Variants in ADGRL3 observed in about 807,000 individuals in gnomAD.
ADGRL3 encodes adhesion G protein-coupled receptor L3.
A neutral mutation model predicts 153.5 loss-of-function variants in ADGRL3; 62 were observed. The ratio of observed to expected loss-of-function variants is 0.40; its 90% confidence interval spans 0.33 to 0.50. ADGRL3 has a LOEUF of 0.50. Ranked by LOEUF, ADGRL3 falls within the 20% of genes least tolerant of loss-of-function variation. The pLI is 0.47. For missense variants in ADGRL3, 1,641 were observed against 1,859.4 expected, an observed-to-expected ratio of 0.88 and a Z score of 2.16; for synonymous variants, 710 against 672.5, an observed-to-expected ratio of 1.06 and a Z score of -0.86.
chr4:61,455,259 G>A (rs1453057514), intron 2 of ADGRL3, among the ~76,000 whole-genome samples: 1 of 152,138 alleles, frequency 6.6e-6, no homozygotes, highest in Non-Finnish European at 1.5e-5. Flanking sequence ...ACAAATCAGT[G>A]GGAATAGCAT....
chr4:61,356,992 T>C (rs2096185526), intron 1 of ADGRL3, among the ~76,000 whole-genome samples: 1 of 152,116 alleles, frequency 6.6e-6, no homozygotes, highest in Non-Finnish European at 1.5e-5. Context: ...ATTTTTTTTT[T>C]CAGTAAAATA....
chr4:61,359,425 T>G (rs1239881592), intron 1 of ADGRL3, among the ~76,000 whole-genome samples: 1 of 152,174 alleles, frequency 6.6e-6, no homozygotes, highest in Non-Finnish European at 1.5e-5. Context: ...TTGTTGGCTG[T>G]CTGATCCCTC....
chr4:61,703,041 C>G (rs572555509), intron 6 of ADGRL3, among the ~76,000 whole-genome samples: 10 of 152,128 alleles, frequency 6.6e-5, no homozygotes. Flanking sequence ...TACATTTCCC[C>G]CATTTTGACA....
At chr4:61,515,170 C>T (rs951860387) in intron 3 of ADGRL3, among the ~76,000 whole-genome samples, 1 of 152,072 alleles carries the variant, frequency 6.6e-6, no homozygotes, top group Non-Finnish European at 1.5e-5. Context: ...GACTATTCTT[C>T]ACCTTGACCC....
intron 8 of ADGRL3, among the ~76,000 whole-genome samples, chr4:61,795,734 AAT>A (rs1265832649): frequency 1.3e-5 from 2 of 152,224 alleles, no homozygotes; most frequent in African/African-American, 4.8e-5. Context: ...ATTCTTAAAA[AAT>A]AAAATGAGAG....
At chr4:61,800,024 A>C (rs868541923) in intron 8 of ADGRL3, among the ~76,000 whole-genome samples, 1 of 152,178 alleles carries the variant, frequency 6.6e-6, no homozygotes, top group African/African-American at 2.4e-5. Context: ...GCATCTCTAG[A>C]ACCTGTCTTC....
intron 8 of ADGRL3, among the ~76,000 whole-genome samples, chr4:61,754,672 G>A (rs2096799062): frequency 6.6e-6 from 1 of 151,966 alleles, no homozygotes; most frequent in Admixed American, 6.6e-5. Context: ...ACAATGTGCA[G>A]GTTAGTTACA....
intron 2 of ADGRL3, among the ~76,000 whole-genome samples, chr4:61,413,880 ATCT>A (rs2097115979): frequency 6.6e-6 from 1 of 152,200 alleles, no homozygotes; most frequent in Non-Finnish European, 1.5e-5. Context: ...ATCCTTCAGC[ATCT>A]TCTTACATTT....
chr4:61,255,429 C>A (rs1199792612), intron 1 of ADGRL3, among the ~76,000 whole-genome samples: 1 of 152,092 alleles, frequency 6.6e-6, no homozygotes, highest in Non-Finnish European at 1.5e-5. Context: ...CATGAGTGAA[C>A]TTGGCAATTG....
intron 5 of ADGRL3, among the ~76,000 whole-genome samples, chr4:61,594,615 G>C (rs1197043747): frequency 6.6e-6 from 1 of 152,102 alleles, no homozygotes; most frequent in Non-Finnish European, 1.5e-5. Flanking sequence ...CAAACATATT[G>C]AGTGTCTCTC....
chr4:61,982,900 A>G lies in ADGRL3; in HGVS notation c.3016-483A>G, dbSNP rs569325043. Among the ~76,000 whole-genome samples the G allele has an allele frequency of 3.9e-5, 6 of 152,276 alleles. No individual in the cohort carries two copies. The East Asian group carries it at 1.2e-3, about 29-fold the overall frequency. ...TTTCATCATGAAACAATTAGTAATA[A>G]TCTCATCATGAAAAGACTGCAATTA... On this transcript the variant is annotated intron_variant, in intron 18 of 26. Coordinates refer to ENST00000683033, the MANE Select transcript of ADGRL3 (RefSeq NM_001387552.1).
In ADGRL3 at chr4:61,969,890, G is replaced by A. The variant is rs576044698; in HGVS notation, c.2806-9673G>A. Among the ~76,000 whole-genome samples, 324 of 152,190 alleles carry A rather than the reference G, an allele frequency of 2.1e-3. 1 individual carries two copies. Among genetic ancestry groups the A allele is most frequent in the Non-Finnish European group, 3.7e-3 (249 of 68,002 alleles). Reference sequence around the variant, plus strand: ...GTGGCATGCAGCCTCCATTTTCTACGTGGTCCTGTGGATTTTGTACATTTC... The same window carrying A: ...GTGGCATGCAGCCTCCATTTTCTACATGGTCCTGTGGATTTTGTACATTTC... On this transcript the variant is annotated intron_variant, in intron 17 of 26. Transcript: ENST00000683033.
intron 8 of ADGRL3, among the ~76,000 whole-genome samples, chr4:61,758,226 A>G (rs527617086): frequency 1.3e-5 from 2 of 152,216 alleles, no homozygotes; most frequent in East Asian, 3.9e-4. Flanking sequence ...CCTGAGTTCA[A>G]TTCCTGGATA....
Position 61,799,869 on chromosome 4 carries a change from A to T in ADGRL3, c.1400-13940A>T, listed in dbSNP as rs1246197177. On this transcript the variant is annotated intron_variant, in intron 8 of 26. Coordinates refer to ENST00000683033, the MANE Select transcript of ADGRL3 (RefSeq NM_001387552.1). ...GTGACAAGCACCCTGCTTCTTATATATGATTAAAAAAAAAATATCCTCACC... is the reference window on the plus strand; with the variant it reads ...GTGACAAGCACCCTGCTTCTTATATTTGATTAAAAAAAAAATATCCTCACC... Among the ~76,000 whole-genome samples, 4 of 151,746 alleles carry T rather than the reference A, an allele frequency of 2.6e-5. No individual in the cohort carries two copies. The East Asian group carries it at 7.7e-4, about 29-fold the overall frequency.
At chr4:61,209,408 A>G (rs977479163) in intron 1 of ADGRL3, among the ~76,000 whole-genome samples, 3 of 152,172 alleles carry the variant, frequency 2.0e-5, no homozygotes, top group Non-Finnish European at 4.4e-5. Context: ...GGTGGAGTGA[A>G]TACTTCATGC....
intron 21 of ADGRL3, among the ~76,000 whole-genome samples, chr4:62,017,090 C>T (rs1298139371): frequency 6.6e-6 from 1 of 151,958 alleles, no homozygotes; most frequent in Non-Finnish European, 1.5e-5. Flanking sequence ...CTTTTCTCTG[C>T]ACTCATTTGT....
chr4:61,934,934 T>C lies in ADGRL3; in HGVS notation c.2207T>C (p.Met736Thr), dbSNP rs770934287. 8.7e-6 allele frequency: 14 copies of C among 1,613,844 alleles called. No individual in the cohort carries two copies. The highest frequency in any genetic ancestry group is 1.1e-5 in the Non-Finnish European group (13 of 1,179,808). ...TTSDQLRAAT[M>T]LLHTVEESAF... ...AGTGATCAGCTGCGTGCGGCCACCA[T>C]GTTGCTTCATACTGTGGAGGAAAGT... The change falls in exon 14 of 27, where the codon ATG becomes ACG. Residue 736 changes from methionine to threonine, a missense_variant. Around this residue, in one of 5 missense-constraint regions of ADGRL3, gnomAD observed 734 missense variants for 797.0 expected, o/e 0.92. Transcript: ENST00000683033.
intron 26 of ADGRL3, among the ~76,000 whole-genome samples, chr4:62,068,793 A>G (rs1458469502): frequency 1.3e-5 from 2 of 152,174 alleles, no homozygotes; most frequent in Admixed American, 1.3e-4. Context: ...TATTAATACA[A>G]TTTATGCATT....
At chr4:61,586,403 G>A (rs955502205) in intron 4 of ADGRL3, among the ~76,000 whole-genome samples, 1 of 151,928 alleles carries the variant, frequency 6.6e-6, no homozygotes, top group African/African-American at 2.4e-5. Context: ...ATGAGATGTA[G>A]CCATTAAAAG....
Sources: gnomAD v4.1 joint callset for allele counts (sites outside exome capture counted in the v4.1 genomes callset) on GRCh38, gnomAD v4.1.1 for gene constraint, gnomAD v4.1.1 regional missense constraint, MANE v1.5 for transcripts, NCBI Gene and HGNC (gene_info 2026-07-23, HGNC 2026-07-21) for gene names.